GPC5: variants seen among roughly 807,000 people sequenced by gnomAD.
GPC5 encodes glypican-5.
In GPC5, 47 loss-of-function variants were observed where a neutral mutation model predicts 53.9. That is an observed-to-expected ratio of 0.87 (90% confidence interval 0.69 to 1.11). The LOEUF (loss-of-function observed/expected upper bound fraction) is 1.11. GPC5 is among the 50% of genes most tolerant of loss of function. GPC5 has a pLI of 0.00. For missense variants in GPC5, 748 were observed against 713.1 expected (o/e 1.05, Z -0.56); for synonymous variants, 286 against 263.3 (o/e 1.09, Z -0.84).
intron 7 of GPC5, among the ~76,000 whole-genome samples, chr13:92,328,971 A>G (rs1239082486): frequency 6.6e-6 from 1 of 151,926 alleles, no homozygotes; most frequent in Non-Finnish European, 1.5e-5. Context: ...CTGCCATGCA[A>G]CTCCTGATTT....
At chr13:91,610,736 A>G (rs1486135200) in intron 2 of GPC5, among the ~76,000 whole-genome samples, 1 of 152,230 alleles carries the variant, frequency 6.6e-6, no homozygotes, top group Admixed American at 6.5e-5. Context: ...AGTGTGACGA[A>G]CGGTAAATTT....
At chr13:92,784,103 T>C (rs1489813701) in intron 7 of GPC5, among the ~76,000 whole-genome samples, 1 of 152,162 alleles carries the variant, frequency 6.6e-6, no homozygotes, top group Non-Finnish European at 1.5e-5. Flanking sequence ...TCATGGGAAA[T>C]ATCAGCTATT....
intron 7 of GPC5, among the ~76,000 whole-genome samples, chr13:92,589,254 GA>G (rs1157147193): frequency 2.0e-5 from 3 of 152,154 alleles, no homozygotes. Flanking sequence ...GAGGACTAGA[GA>G]ATATTCCTTT....
chr13:92,456,211 A>G lies in GPC5; in HGVS notation c.1561+311222A>G, dbSNP rs148860856. 1.3e-4 allele frequency among the ~76,000 whole-genome samples: 20 copies of G among 152,282 alleles called. 1 individual carries two copies. The South Asian group carries it at 2.1e-3, about 16-fold the overall frequency. ...TAGGTCCTTTCCTTTCTGCTGTATA[A>G]TTTAGATTCTTAACACTAAGGAACA... On this transcript the variant is annotated intron_variant, in intron 7 of 7. Transcript: ENST00000377067.
intron 6 of GPC5, among the ~76,000 whole-genome samples, chr13:92,051,817 A>G (rs1227248725): frequency 6.6e-6 from 1 of 152,174 alleles, no homozygotes; most frequent in African/African-American, 2.4e-5. Flanking sequence ...AACTTTCTGG[A>G]CCACCCTCTA....
chr13:91,565,876 A>T (rs575399232), intron 2 of GPC5, among the ~76,000 whole-genome samples: 2 of 152,274 alleles, frequency 1.3e-5, no homozygotes, highest in Admixed American at 6.5e-5. Context: ...GGATGACTCT[A>T]TTCCATGTTT....
intron 6 of GPC5, among the ~76,000 whole-genome samples, chr13:92,006,579 T>C (rs2040608833): frequency 6.6e-6 from 1 of 152,200 alleles, no homozygotes; most frequent in Admixed American, 6.5e-5. Context: ...TGTCGATTCA[T>C]ACCCAAGTAA....
At chr13:92,160,351 A>C (rs544331563) in intron 7 of GPC5, among the ~76,000 whole-genome samples, 75 of 152,342 alleles carry the variant, frequency 4.9e-4, no homozygotes, top group African/African-American at 1.6e-3. Context: ...AAACCAAAAC[A>C]TAATTATCTG....
intron 6 of GPC5, among the ~76,000 whole-genome samples, chr13:92,113,751 T>C (rs1167960221): frequency 6.6e-6 from 1 of 151,652 alleles, no homozygotes; most frequent in Non-Finnish European, 1.5e-5. Context: ...CACTGCTACA[T>C]TTGTCCAGAG....
chr13:91,483,620 A>G (rs1229760744), intron 2 of GPC5, among the ~76,000 whole-genome samples: 1 of 152,180 alleles, frequency 6.6e-6, no homozygotes, highest in East Asian at 1.9e-4. Flanking sequence ...TTTCTGACCT[A>G]GAGGTAATAG....
At chr13:92,511,253 C>A (rs1387735086) in intron 7 of GPC5, among the ~76,000 whole-genome samples, 1 of 152,124 alleles carries the variant, frequency 6.6e-6, no homozygotes, top group Non-Finnish European at 1.5e-5. Flanking sequence ...TATCATCTCC[C>A]ATAGCTGTAT....
At chr13:92,032,201 A>G (rs2040857926) in intron 6 of GPC5, among the ~76,000 whole-genome samples, 2 of 150,498 alleles carry the variant, frequency 1.3e-5, no homozygotes, top group South Asian at 4.2e-4. Context: ...CAAACATCCT[A>G]TGTTCTCACT....
At chr13:91,649,993 CCCTCTACACAACTT>C (rs2034658323) in intron 2 of GPC5, among the ~76,000 whole-genome samples, 1 of 152,102 alleles carries the variant, frequency 6.6e-6, no homozygotes, top group African/African-American at 2.4e-5. Flanking sequence ...GTCCCATTAT[CCCTCTACACAACTT>C]CCTTCAGTTG....
chr13:92,733,998 T>C (rs1166099698), intron 7 of GPC5, among the ~76,000 whole-genome samples: 2 of 151,844 alleles, frequency 1.3e-5, no homozygotes, highest in Non-Finnish European at 2.9e-5. Flanking sequence ...AAGTTTTAGA[T>C]AGTGGCTGAG....
At chr13:92,798,819 G>A (rs2138784525) in intron 7 of GPC5, among the ~76,000 whole-genome samples, 1 of 151,942 alleles carries the variant, frequency 6.6e-6, no homozygotes, top group East Asian at 1.9e-4. Flanking sequence ...AAAATTGTAA[G>A]TCACGTGAAT....
At chr13:91,661,391 G>A (rs2034984645) in intron 2 of GPC5, among the ~76,000 whole-genome samples, 1 of 152,216 alleles carries the variant, frequency 6.6e-6, no homozygotes, top group African/African-American at 2.4e-5. Flanking sequence ...ATGCCCCTGG[G>A]CATGTGGATT....
intron 6 of GPC5, among the ~76,000 whole-genome samples, chr13:91,969,685 G>A (rs1264319612): frequency 1.3e-5 from 2 of 152,066 alleles, no homozygotes; most frequent in African/African-American, 2.4e-5. Flanking sequence ...ATCAAATAAT[G>A]TGATTAAAAC....
At chr13:92,007,083 T>C (rs1286010218) in intron 6 of GPC5, among the ~76,000 whole-genome samples, 2 of 152,180 alleles carry the variant, frequency 1.3e-5, no homozygotes, top group Admixed American at 1.3e-4. Context: ...TGTGCAATTT[T>C]AAACCATAAA....
intron 4 of GPC5, among the ~76,000 whole-genome samples, chr13:91,750,674 C>CTTTTT (rs752907631): frequency 1.0e-3 from 86 of 82,024 alleles, no homozygotes; most frequent in African/African-American, 1.9e-3. Flanking sequence ...TAGGTAAGTC[C>CTTTTT]TTTTTTTTTT....
Sources: allele counts gnomAD v4.1 joint callset (sites outside exome capture counted in the v4.1 genomes callset), GRCh38; gene constraint gnomAD v4.1.1; transcripts MANE v1.5; gene names NCBI Gene and HGNC (gene_info 2026-07-23, HGNC 2026-07-21).